The following FAF1 variants were observed in gnomAD, a reference collection of about 807,000 sequenced individuals.
FAF1 encodes the protein Fas associated factor 1, also known as FAS-associated factor 1.
Under a neutral mutation model 92.5 loss-of-function variants are expected in FAF1, and 25 were observed. The ratio of observed to expected loss-of-function variants is 0.27; its 90% CI spans 0.20 to 0.38. The LOEUF (loss-of-function observed/expected upper bound fraction) is 0.38, where lower values mean the gene tolerates loss of function less well. Ranked by LOEUF, FAF1 falls within the 10% of genes least tolerant of loss-of-function variation. FAF1 has a pLI of 1.00. For synonymous variants in FAF1, 234 were observed against 273.2 expected, an observed-to-expected ratio of 0.86 and a Z score of 1.42; for missense variants, 636 against 793.3, an observed-to-expected ratio of 0.80 and a Z score of 2.38.
intron 7 of FAF1, among the ~76,000 whole-genome samples, chr1:50,685,526 T>C (rs187042736): frequency 2.7e-4 from 41 of 152,328 alleles, no homozygotes; most frequent in Non-Finnish European, 4.4e-4. Context: ...TACTGTGAAC[T>C]CTTAAATACT....
At chr1:50,838,559 AT>A (rs1203771594) in intron 2 of FAF1, among the ~76,000 whole-genome samples, 5 of 88,464 alleles carry the variant, frequency 5.7e-5, no homozygotes, top group Admixed American at 3.5e-4. Flanking sequence ...TAAATTAAAA[AT>A]ATATATATTT....
chr1:50,507,435 C>T (rs1270283561), intron 15 of FAF1, among the ~76,000 whole-genome samples: 1 of 152,128 alleles, frequency 6.6e-6, no homozygotes, highest in Non-Finnish European at 1.5e-5. Flanking sequence ...ACTAGTTAGG[C>T]ACTAGGAAGA....
intron 7 of FAF1, among the ~76,000 whole-genome samples, chr1:50,658,379 A>G (rs1655221222): frequency 6.6e-6 from 1 of 152,172 alleles, no homozygotes. Flanking sequence ...CAAATACTAT[A>G]AGTATACAAA....
chr1:50,880,954 T>C (rs959528627), intron 1 of FAF1, among the ~76,000 whole-genome samples: 3 of 152,188 alleles, frequency 2.0e-5, no homozygotes, highest in African/African-American at 4.8e-5. Context: ...TGGTTCTCAA[T>C]GCTTGCTATA....
chr1:50,784,884 A>T (rs931144599), intron 4 of FAF1, among the ~76,000 whole-genome samples: 8 of 152,224 alleles, frequency 5.3e-5, no homozygotes, highest in Admixed American at 2.0e-4. Flanking sequence ...ACACGTATAC[A>T]GTCAAATGAT....
chr1:50,609,367 CTG>C (rs1431647965), intron 8 of FAF1, among the ~76,000 whole-genome samples: 1 of 152,110 alleles, frequency 6.6e-6, no homozygotes, highest in African/African-American at 2.4e-5. Flanking sequence ...GACAGCAAAA[CTG>C]AGTCAGAACT....
At chr1:50,537,787 T>G (rs955950078) in intron 14 of FAF1, among the ~76,000 whole-genome samples, 1 of 152,136 alleles carries the variant, frequency 6.6e-6, no homozygotes, top group South Asian at 2.1e-4. Context: ...TTACAATATA[T>G]TGTACTGGTT....
At chr1:50,835,690 A>G (rs1476413350) in intron 2 of FAF1, among the ~76,000 whole-genome samples, 2 of 152,214 alleles carry the variant, frequency 1.3e-5, no homozygotes, top group Admixed American at 6.5e-5. Context: ...AAAGAATTTA[A>G]TAAGATTCAT....
intron 4 of FAF1, among the ~76,000 whole-genome samples, chr1:50,763,474 A>C (rs1660440039): frequency 6.6e-6 from 1 of 152,044 alleles, no homozygotes; most frequent in South Asian, 2.1e-4. Context: ...TTTGGCTAGC[A>C]TTGAGTTATT....
chr1:50,605,845 A>G lies in FAF1; in HGVS notation c.745-9629T>C, dbSNP rs367937376. On this transcript the variant is annotated intron_variant, in intron 8 of 18. Coordinates refer to ENST00000396153, the MANE Select transcript of FAF1 (RefSeq NM_007051.3). ...GAACTATTTGTTGAATGTTATACTA[A>G]CCATATAGTTACTCAGAGTTGATAA... Among the ~76,000 whole-genome samples, 28 of 152,322 alleles carry G rather than the reference A, an allele frequency of 1.8e-4. No individual in the cohort carries two copies. In the South Asian group the frequency reaches 4.6e-3, roughly 25 times the overall value.
chr1:50,773,829 G>A (rs1474875343), intron 4 of FAF1, among the ~76,000 whole-genome samples: 7 of 152,112 alleles, frequency 4.6e-5, no homozygotes, highest in Non-Finnish European at 7.4e-5. Context: ...TAAAAGGGTG[G>A]ATTTTAAGTC....
intron 5 of FAF1, among the ~76,000 whole-genome samples, chr1:50,740,927 AT>A (rs1659362672): frequency 6.6e-6 from 1 of 152,106 alleles, no homozygotes; most frequent in Non-Finnish European, 1.5e-5. Context: ...TTTGATCATT[AT>A]TGTTCTTTTT....
chr1:50,452,250 C>T, intron 18 of FAF1: 1 of 889,468 alleles, frequency 1.1e-6, no homozygotes. Flanking sequence ...GAACAATTTG[C>T]AAGCTCATTG....
At chr1:50,459,577 T>C (rs1646400154) in intron 18 of FAF1, among the ~76,000 whole-genome samples, 2 of 152,204 alleles carry the variant, frequency 1.3e-5, no homozygotes, top group African/African-American at 4.8e-5. Context: ...TCCCGCAACC[T>C]TGACACAGCC....
intron 2 of FAF1, among the ~76,000 whole-genome samples, chr1:50,831,856 G>C (rs534046576): frequency 6.6e-6 from 1 of 150,754 alleles, no homozygotes; most frequent in Non-Finnish European, 1.5e-5. Flanking sequence ...CCTGTGAAGG[G>C]TGGTAATGTG....
intron 1 of FAF1, among the ~76,000 whole-genome samples, chr1:50,928,782 C>CAAAAAAAAAAAAAAAAAAAAA (rs1157426126): frequency 1.0e-4 from 4 of 39,720 alleles, no homozygotes; most frequent in Admixed American, 2.9e-4. Context: ...GACTCCACCT[C>CAAAAAAAAAAAAAAAAAAAAA]AAAAAAAAAA....
intron 7 of FAF1, among the ~76,000 whole-genome samples, chr1:50,698,810 TA>T (rs1367333894): frequency 6.6e-6 from 1 of 152,080 alleles, no homozygotes; most frequent in East Asian, 1.9e-4. Context: ...TTTAAATATA[TA>T]AAAGGCATGC....
chr1:50,567,779 A>T (rs113513207), intron 12 of FAF1, among the ~76,000 whole-genome samples: 2,477 of 152,204 alleles, frequency 0.016, 73 homozygotes, highest in African/African-American at 0.055. Flanking sequence ...TTCTCATATT[A>T]AGCCCTTATT....
chr1:50,656,485 CTA>C (rs1655117720), intron 7 of FAF1, among the ~76,000 whole-genome samples: 2 of 152,110 alleles, frequency 1.3e-5, no homozygotes, highest in African/African-American at 4.8e-5. Flanking sequence ...AGATGAGAAA[CTA>C]TTTTTCCCAA....
Sources: gnomAD v4.1 joint callset for allele counts (sites outside exome capture counted in the v4.1 genomes callset) on GRCh38, gnomAD v4.1.1 for gene constraint, MANE v1.5 for transcripts, NCBI Gene and HGNC (gene_info 2026-07-23, HGNC 2026-07-21) for gene names.